The following GTF2B variants were observed in gnomAD, a reference collection of about 807,000 sequenced individuals.
The protein encoded by GTF2B is general transcription factor IIB.
In GTF2B, 20 loss-of-function variants were observed where a neutral mutation model predicts 34.6. That is an observed-to-expected ratio of 0.58 (90% CI 0.41 to 0.84). The LOEUF (loss-of-function observed/expected upper bound fraction) is 0.84, where lower values mean the gene tolerates loss of function less well. GTF2B is among the 40% of genes least tolerant of loss of function. The pLI is 0.00. For missense variants in GTF2B, 237 were observed against 393.3 expected, an observed-to-expected ratio of 0.60 and a Z score of 3.36; for synonymous variants, 142 against 132.4, an observed-to-expected ratio of 1.07 and a Z score of -0.50.
At chr1:88,860,653 A>T (rs969566216) in intron 3 of GTF2B, among the ~76,000 whole-genome samples, 1 of 152,116 alleles carries the variant, frequency 6.6e-6, no homozygotes, top group Non-Finnish European at 1.5e-5. Context: ...GATATTAGAG[A>T]ATCAAATAAT....
chr1:88,877,541 A>C (rs1417637410), intron 2 of GTF2B, among the ~76,000 whole-genome samples: 3 of 152,328 alleles, frequency 2.0e-5, no homozygotes, highest in Non-Finnish European at 4.4e-5. Context: ...TGATTATCTA[A>C]ATACAATAAT....
chr1:88,865,630 C>T (rs1418316142), intron 2 of GTF2B, among the ~76,000 whole-genome samples: 1 of 152,016 alleles, frequency 6.6e-6, no homozygotes, highest in Non-Finnish European at 1.5e-5. Context: ...TCCAGGCGGG[C>T]TGTCACCTGG....
chr1:88,859,771 G>T, intron 5 of GTF2B, 111 bp downstream of exon 5: 1 of 855,780 alleles, frequency 1.2e-6, no homozygotes, highest in Non-Finnish European at 1.9e-6. Flanking sequence ...GGGAGGCAGA[G>T]GTTGCAGTGA....
intron 2 of GTF2B, among the ~76,000 whole-genome samples, chr1:88,872,445 T>TA (rs1673715786): frequency 1.3e-5 from 1 of 75,056 alleles, no homozygotes; most frequent in Non-Finnish European, 2.3e-5. Context: ...AGAGTGAAAC[T>TA]CCATCTCAAT....
intron 2 of GTF2B, among the ~76,000 whole-genome samples, chr1:88,880,280 GA>G (rs983476865): frequency 9.2e-5 from 14 of 152,170 alleles, no homozygotes; most frequent in African/African-American, 2.9e-4. Flanking sequence ...ATTTAAATAA[GA>G]AAAAAGTCAC....
At chr1:88,886,132 C>T (rs1409315995) in intron 2 of GTF2B, among the ~76,000 whole-genome samples, 1 of 152,152 alleles carries the variant, frequency 6.6e-6, no homozygotes, top group Non-Finnish European at 1.5e-5. Context: ...ATATTCCTTA[C>T]TCAGCAGAAT....
Position 88,887,147 on chromosome 1 carries a change from G to A in GTF2B, c.124+114C>T, listed in dbSNP as rs946960276. On this transcript the variant is annotated intron_variant, in intron 2 of 6. Transcript: ENST00000370500. ...TTGGTCAGGCTGGTCTCGAACTCCT[G>A]ACCTCAGGTGATCCTCCCACCTTGG... 6.3e-6 allele frequency: 4 copies of A among 637,452 alleles called. No individual in the cohort carries two copies. The Admixed American group carries it at 9.6e-5, about 15-fold the overall frequency. The allele number at this position is 637,452 out of a possible 1,614,324, so 39.5% of individuals were successfully genotyped here.
intron 2 of GTF2B, among the ~76,000 whole-genome samples, chr1:88,870,896 CTT>C (rs1022965980): frequency 0.018 from 1,961 of 109,026 alleles, 14 homozygotes; most frequent in African/African-American, 0.055. Context: ...CTTACACAGT[CTT>C]TTTTTTTTTT....
At chr1:88,876,990 A>G (rs1406709151) in intron 2 of GTF2B, among the ~76,000 whole-genome samples, 3 of 152,200 alleles carry the variant, frequency 2.0e-5, no homozygotes, top group Admixed American at 6.6e-5. Context: ...GTGTGAAGAC[A>G]TGGAAAATAT....
Position 88,852,720 on chromosome 1 carries a change from A to T in GTF2B, c.*493T>A, listed in dbSNP as rs1369518435. Reference sequence around the variant, plus strand: ...CTTCTTGTTTAATAATATACATAATAAATCTCACATACACATCCTTTCAAA... The same window carrying T: ...CTTCTTGTTTAATAATATACATAATTAATCTCACATACACATCCTTTCAAA... On this transcript the variant is annotated 3_prime_UTR_variant, in exon 7 of 7. Coordinates refer to ENST00000370500, the MANE Select transcript of GTF2B (RefSeq NM_001514.6). 6.6e-6 allele frequency among the ~76,000 whole-genome samples: 1 copy of T among 152,200 alleles called. No homozygotes were observed. The highest frequency in any genetic ancestry group is 2.4e-5 in the African/African-American group (1 of 41,454).
chr1:88,885,860 T>G (rs939059795), intron 2 of GTF2B, among the ~76,000 whole-genome samples: 3 of 152,178 alleles, frequency 2.0e-5, no homozygotes, highest in Non-Finnish European at 4.4e-5. Flanking sequence ...AAGCCAGAAT[T>G]AACAAATAGG....
At chr1:88,863,067 G>A (rs765504296) in intron 3 of GTF2B, among the ~76,000 whole-genome samples, 2 of 151,784 alleles carry the variant, frequency 1.3e-5, no homozygotes, top group Non-Finnish European at 1.5e-5. Context: ...CTTCCAACTC[G>A]GATAACAGAG....
chr1:88,857,688 C>G (rs1461213195), intron 5 of GTF2B, among the ~76,000 whole-genome samples: 4 of 8,608 alleles, frequency 4.6e-4, no homozygotes, highest in South Asian at 4.7e-3. Context: ...ATGTTCATCA[C>G]ACCTTTTTTT....
In GTF2B at chr1:88,859,981, A is replaced by T; in HGVS notation, c.436T>A (p.Tyr146Asn). The change falls in exon 5 of 7, where the codon TAT becomes AAT. Residue 146 changes from tyrosine (Y) to asparagine (N), a missense_variant. Tyr to Asn is a moderately radical substitution (Grantham distance 143). Transcript: ENST00000370500. ...CTTCCCTTCAGGCTCTTCTGTTCATATACTTGCTTGAATAAATTATTTGTT... is the reference window on the plus strand; with the variant it reads ...CTTCCCTTCAGGCTCTTCTGTTCATTTACTTGCTTGAATAAATTATTTGTT... The part of the protein sequence containing the change: ...DRTNNLFKQV[Y>N]EQKSLKGRAN... The T allele has an allele frequency of 6.2e-7, 1 of 1,613,758 alleles. No homozygotes were observed. The highest frequency in any genetic ancestry group is 8.5e-7 in the Non-Finnish European group (1 of 1,179,650).
chr1:88,857,080 T>A (rs6428481), intron 6 of GTF2B, 126 bp downstream of exon 6: 7 of 815,916 alleles, frequency 8.6e-6, no homozygotes, highest in Non-Finnish European at 1.2e-5. Context: ...AGATTATAGG[T>A]GTGAGCCCCC....
At chr1:88,855,796 G>A (rs1236394392) in intron 6 of GTF2B, among the ~76,000 whole-genome samples, 6 of 151,938 alleles carry the variant, frequency 3.9e-5, no homozygotes, top group African/African-American at 1.4e-4. Context: ...ATGGGATTCA[G>A]ATATGTGCCA....
chr1:88,879,952 C>T (rs145610708), intron 2 of GTF2B, among the ~76,000 whole-genome samples: 7 of 151,180 alleles, frequency 4.6e-5, no homozygotes, highest in African/African-American at 1.7e-4. Context: ...CCTGCTACTC[C>T]GGAGGCTGAA....
intron 2 of GTF2B, among the ~76,000 whole-genome samples, chr1:88,866,423 T>C (rs112721188): frequency 0.012 from 1,766 of 152,292 alleles, 33 homozygotes; most frequent in African/African-American, 0.041. Context: ...CTTTTCCTTT[T>C]TTTCAGACAG....
intron 2 of GTF2B, among the ~76,000 whole-genome samples, chr1:88,879,585 A>AG (rs1673888310): frequency 1.5e-5 from 2 of 132,290 alleles, no homozygotes; most frequent in African/African-American, 5.4e-5. Flanking sequence ...TTCCATCTTA[A>AG]AAAAAAAAAA....
Sources: gnomAD v4.1 joint callset for allele counts (sites outside exome capture counted in the v4.1 genomes callset) on GRCh38, gnomAD v4.1.1 for gene constraint, MANE v1.5 for transcripts, NCBI Gene and HGNC (gene_info 2026-07-23, HGNC 2026-07-21) for gene names.